The following MYO10 variants were observed in gnomAD, a reference collection of about 807,000 sequenced individuals.
MYO10 encodes the protein myosin X.
Under a neutral mutation model 257.3 loss-of-function variants are expected in MYO10, and 133 were observed. The observed-to-expected ratio is 0.52, with a 90% CI of 0.45 to 0.60. The LOEUF is 0.60. Among genes scored for constraint, MYO10 ranks in the 20% least tolerant of loss-of-function variants. MYO10 has a pLI of 0.00. For missense variants in MYO10, 2,399 were observed against 2,635.7 expected (o/e 0.91, Z 1.97); for synonymous variants, 1,104 against 1,028.6 (o/e 1.07, Z -1.40).
intron 4 of MYO10, among the ~76,000 whole-genome samples, chr5:16,792,455 T>TC (rs1741795319): frequency 6.6e-6 from 1 of 152,108 alleles, no homozygotes; most frequent in Admixed American, 6.5e-5. Flanking sequence ...TTATTTCTTA[T>TC]CCATCCTCAA....
chr5:16,842,914 A>G (rs111566358), intron 2 of MYO10, among the ~76,000 whole-genome samples: 8,210 of 148,680 alleles, frequency 0.055, 246 homozygotes, highest in South Asian at 0.067. Flanking sequence ...AAGAGAGAGA[A>G]AAAAGAAAAA....
intron 28 of MYO10, among the ~76,000 whole-genome samples, chr5:16,689,069 G>C (rs533486928): frequency 4.6e-5 from 7 of 152,166 alleles, no homozygotes; most frequent in Non-Finnish European, 8.8e-5. Context: ...TTTTTAAGAA[G>C]TTCAATGTCT....
At chr5:16,847,033 A>G (rs931439232) in intron 2 of MYO10, among the ~76,000 whole-genome samples, 1 of 152,112 alleles carries the variant, frequency 6.6e-6, no homozygotes, top group African/African-American at 2.4e-5. Context: ...CACAAGAATC[A>G]CTTGAACCCA....
Position 16,769,137 on chromosome 5 carries a change from T to C in MYO10, c.997A>G (p.Ile333Val), listed in dbSNP as rs371948918. 11 of 1,612,766 alleles carry C rather than the reference T, an allele frequency of 6.8e-6. No homozygotes were observed. The highest frequency in any genetic ancestry group is 9.3e-6 in the Non-Finnish European group (11 of 1,179,470). The change falls in exon 10 of 41, where the codon ATA (isoleucine) becomes GTA (valine). Residue 333 changes from isoleucine to valine, a missense_variant. By Grantham distance (29) the Ile-to-Val change is conservative. This residue lies in a region of MYO10 where 337 missense variants were observed against 446.8 expected (regional missense o/e 0.75). Transcript: ENST00000513610. ...AATTCTATGTTCCCAAGATGCAGTA[T>C]ACCAGCAAGCAGCCTCGACACTTCC... is the stretch of plus-strand genomic sequence containing the variant. ...VREVSRLLAG[I>V]LHLGNIEFIT...
chr5:16,758,280 G>A (rs945721635), intron 17 of MYO10, 54 bp from the exon 18 acceptor site: 2 of 1,228,102 alleles, frequency 1.6e-6, no homozygotes, highest in African/African-American at 1.5e-5. Flanking sequence ...ATTATTAGGT[G>A]CAAGATTATT....
intron 2 of MYO10, among the ~76,000 whole-genome samples, chr5:16,871,031 C>A (rs1482560986): frequency 2.6e-5 from 4 of 152,172 alleles, no homozygotes; most frequent in Non-Finnish European, 4.4e-5. Context: ...TATATGCTAA[C>A]ATAAAATGTT....
intron 33 of MYO10, 138 bp downstream of exon 33, chr5:16,679,809 G>C: frequency 8.5e-7 from 1 of 1,171,136 alleles, no homozygotes; most frequent in South Asian, 1.7e-5. Flanking sequence ...ACAGGCGTGA[G>C]CCACCGTGCC....
chr5:16,748,621 A>AGG (rs1560963927), intron 19 of MYO10, among the ~76,000 whole-genome samples: 127 of 135,504 alleles, frequency 9.4e-4, no homozygotes, highest in African/African-American at 3.3e-3. Flanking sequence ...AGAGAGGGAG[A>AGG]GAGGGAGGGA....
chr5:16,668,939 C>T (rs1235071687), intron 39 of MYO10, among the ~76,000 whole-genome samples: 4 of 152,140 alleles, frequency 2.6e-5, no homozygotes, highest in African/African-American at 4.8e-5. Context: ...CTCCAAATCA[C>T]GCATGCTGAG....
Position 16,663,353 on chromosome 5 carries a change from T to G in MYO10, c.*3339A>C, listed in dbSNP as rs1037300691. On this transcript the variant is annotated 3_prime_UTR_variant, in exon 41 of 41. Transcript: ENST00000513610. Reference sequence around the variant, plus strand: ...GTTTTTTTTTTTTTTTTTTTTTTTTTTTTTTTTTTTTTTTACAAATCACCT... The same window carrying G: ...GTTTTTTTTTTTTTTTTTTTTTTTTGTTTTTTTTTTTTTTACAAATCACCT... 2 of 128,294 alleles carry G rather than the reference T, an allele frequency of 1.6e-5. No homozygotes were observed. Among genetic ancestry groups the G allele is most frequent in the African/African-American group, 2.9e-5 (1 of 34,614 alleles). 7.9% of individuals were successfully genotyped at this position (128,294 alleles called of 1,614,324 possible).
chr5:16,782,397 C>T (rs1741450601), intron 5 of MYO10, among the ~76,000 whole-genome samples: 1 of 152,164 alleles, frequency 6.6e-6, no homozygotes, highest in East Asian at 1.9e-4. Flanking sequence ...GTAAACACTA[C>T]TCATGAGTGT....
At position 16,663,890 on chromosome 5, in the gene MYO10, G is replaced by C. The variant is rs113887276; in HGVS notation, c.*2802C>G. ...AGCATCTGTGAATTTTGTATCCTCAGGGGTGGGGGGAGGGGGTCCTGGAAC... is the reference window on the plus strand; with the variant it reads ...AGCATCTGTGAATTTTGTATCCTCACGGGTGGGGGGAGGGGGTCCTGGAAC... On this transcript the variant is annotated 3_prime_UTR_variant, in exon 41 of 41. Transcript: ENST00000513610. The C allele has an allele frequency of 7.8e-6, 1 of 128,418 alleles. No individual in the cohort carries two copies. The highest frequency in any genetic ancestry group is 2.8e-4 in the East Asian group (1 of 3,606). The allele number at this position is 128,418 out of a possible 1,614,324, so 8.0% of individuals were successfully genotyped here. A position where few individuals can be genotyped will look rare whatever the true frequency, so the allele number is the denominator to read the frequency against.
chr5:16,728,968 CCTTTT>C (rs1739475916), intron 19 of MYO10, among the ~76,000 whole-genome samples: 2 of 152,002 alleles, frequency 1.3e-5, no homozygotes, highest in Non-Finnish European at 2.9e-5. Context: ...AGAAGGGGAC[CCTTTT>C]CTTTTCTTTT....
chr5:16,746,597 G>A (rs188519097), intron 19 of MYO10, among the ~76,000 whole-genome samples: 66 of 152,214 alleles, frequency 4.3e-4, no homozygotes, highest in East Asian at 9.6e-4. Context: ...TCTTTTAAGC[G>A]GAGTTGAAAT....
chr5:16,833,222 T>G (rs60131557), intron 2 of MYO10, among the ~76,000 whole-genome samples: 1 of 140,570 alleles, frequency 7.1e-6, no homozygotes, highest in Non-Finnish European at 1.6e-5. Flanking sequence ...GGTTTGTTTT[T>G]TTTTTTTTTG....
chr5:16,877,617 A>C lies in MYO10; in HGVS notation c.112T>G (p.Tyr38Asp). ...AEGIVVFRTD[Y>D]GQVFTYKQST... is the part of the protein sequence containing the mutation. ...CAGGGACTTGTTCTCACCTGACCATAGTCTGTCCGGAAGACGACGATGCCT... is the reference window on the plus strand; with the variant it reads ...CAGGGACTTGTTCTCACCTGACCATCGTCTGTCCGGAAGACGACGATGCCT... The change falls in exon 2 of 41, where the codon TAT becomes GAT. Residue 38 changes from tyrosine to aspartate, a missense_variant. Physicochemically the swap from Tyr to Asp is radical, Grantham distance 160. Around this residue, in one of 3 missense-constraint regions of MYO10, gnomAD observed 242 missense variants for 249.5 expected, o/e 0.97. Coordinates refer to ENST00000513610, the MANE Select transcript of MYO10 (RefSeq NM_012334.3). 6.2e-7 allele frequency: 1 copy of C among 1,612,404 alleles called. No homozygotes were observed. Among genetic ancestry groups the C allele is most frequent in the South Asian group, 1.1e-5 (1 of 90,970 alleles).
intron 1 of MYO10, among the ~76,000 whole-genome samples, chr5:16,913,372 T>G (rs1032128282): frequency 6.6e-6 from 1 of 152,222 alleles, no homozygotes; most frequent in Non-Finnish European, 1.5e-5. Context: ...CTTTAGGGTA[T>G]GAATTGCATA....
rs758802597 is a variant in MYO10 at position 16,673,818 on chromosome 5, G to T, written c.5036C>A (p.Thr1679Asn). The change falls in exon 36 of 41, where the codon ACC (threonine) becomes AAC (asparagine). Residue 1679 changes from threonine (T) to asparagine (N), a missense_variant. By Grantham distance (65) the Thr-to-Asn change is moderately conservative. This residue lies in a region of MYO10 where 1,820 missense variants were observed against 1,939.4 expected (regional missense o/e 0.94). Coordinates refer to ENST00000513610, the MANE Select transcript of MYO10 (RefSeq NM_012334.3). The stretch of plus-strand genomic sequence containing the variant: ...GGAAGGCACAAACTCTCGGCATTTG[G>T]TTTTCTTAAGAGATTCGTAAGTGAA... ...ALFTYESLKK[T>N]KCREFVPSRD... 1.9e-6 allele frequency: 3 copies of T among 1,613,870 alleles called. No homozygotes were observed. Among genetic ancestry groups the T allele is most frequent in the Non-Finnish European group, 2.5e-6 (3 of 1,179,904 alleles).
At chr5:16,736,401 A>C (rs531884095) in intron 19 of MYO10, among the ~76,000 whole-genome samples, 3 of 152,304 alleles carry the variant, frequency 2.0e-5, no homozygotes, top group African/African-American at 7.2e-5. Flanking sequence ...CTGATGCAAC[A>C]GCGCTGCAAA....
Sources: gnomAD v4.1 joint callset for allele counts (sites outside exome capture counted in the v4.1 genomes callset) on GRCh38, gnomAD v4.1.1 for gene constraint, gnomAD v4.1.1 regional missense constraint, MANE v1.5 for transcripts, NCBI Gene and HGNC (gene_info 2026-07-23, HGNC 2026-07-21) for gene names.